The following MPP7 variants were observed in gnomAD, a reference collection of about 807,000 sequenced individuals.
MPP7 encodes the protein MAGUK p55 subfamily member 7.
MPP7 carries 60 observed loss-of-function variants against 76.5 expected under a neutral mutation model. The ratio of observed to expected loss-of-function variants is 0.78; its 90% CI spans 0.64 to 0.97. The LOEUF is 0.97. Among genes scored for constraint, MPP7 ranks in the 50% least tolerant of loss-of-function variants. The pLI is 0.00. For missense variants in MPP7, 641 were observed against 694.0 expected (o/e 0.92, Z 0.86); for synonymous variants, 237 against 244.5 (o/e 0.97, Z 0.29).
upstream of MPP7, chr10:28,303,617 A>T (rs1353168269): frequency 6.6e-6 from 1 of 152,206 alleles, no homozygotes; most frequent in African/African-American, 2.4e-5. Context: ...ACTTTTTCTT[A>T]TTACCTTTTT....
At chr10:28,307,682 A>T (rs1304725509), upstream of MPP7, 1 of 152,196 alleles carries the variant, frequency 6.6e-6, no homozygotes, top group East Asian at 1.9e-4. Context: ...CTTTAATTTT[A>T]ATGTAAATGC....
chr10:28,089,897 C>CAA (rs770444602), intron 11 of MPP7, 56 bp from the exon 12 acceptor site: 2,246 of 654,970 alleles, frequency 3.4e-3, no homozygotes, highest in Middle Eastern at 9.5e-3. Flanking sequence ...AAGAAACCCT[C>CAA]AAAAAAAAAA....
rs139389415 is a variant in MPP7 at position 28,127,912 on chromosome 10, C to T, written c.448-2821G>A. ...ACTGGACGGAGGTGAAGAAGTTAGCCAATGGGAAGGAACAGAAGACACAGC... is the reference window on the plus strand; with the variant it reads ...ACTGGACGGAGGTGAAGAAGTTAGCTAATGGGAAGGAACAGAAGACACAGC... On this transcript the variant is annotated intron_variant, in intron 6 of 16. Transcript: ENST00000683449. Among the ~76,000 whole-genome samples, 10 of 152,214 alleles carry T rather than the reference C, an allele frequency of 6.6e-5. No individual in the cohort carries two copies. In the East Asian group the frequency reaches 1.9e-3, roughly 29 times the overall value.
intron 3 of MPP7, among the ~76,000 whole-genome samples, chr10:28,175,812 G>C (rs1413204431): frequency 6.6e-6 from 1 of 152,108 alleles, no homozygotes; most frequent in Non-Finnish European, 1.5e-5. Context: ...CTCTCCATGG[G>C]AGAGCAACTA....
intron 3 of MPP7, among the ~76,000 whole-genome samples, chr10:28,186,759 T>C (rs1163218899): frequency 6.6e-6 from 1 of 152,182 alleles, no homozygotes; most frequent in Non-Finnish European, 1.5e-5. Flanking sequence ...ATTGTAAATA[T>C]ACATTTCACT....
rs1853141438 is a variant in MPP7 at position 28,088,745 on chromosome 10, C to G, written c.1123+926G>C. 2.0e-5 allele frequency among the ~76,000 whole-genome samples: 3 copies of G among 152,142 alleles called. No homozygotes were observed. In the South Asian group the frequency reaches 6.2e-4, roughly 32 times the overall value. ...CTCTCGCTACATTTTTAAAGAAATG[C>G]ATTGAGGATGAAGTGAAGATACATG... On this transcript the variant is annotated intron_variant, in intron 12 of 16. Transcript: ENST00000683449.
rs770307714 is a variant in MPP7, at chr10:28,125,019, C to A, written c.520G>T (p.Asp174Tyr). The A allele has an allele frequency of 2.5e-6, 4 of 1,613,918 alleles. No individual in the cohort carries two copies. The highest frequency in any genetic ancestry group is 2.7e-5 in the African/African-American group (2 of 75,044). The change falls in exon 7 of 17, where the codon GAT becomes TAT. Residue 174 changes from aspartate (D) to tyrosine (Y), a missense_variant. Coordinates refer to ENST00000683449, the MANE Select transcript of MPP7 (RefSeq NM_001318170.2). Reference sequence around the variant, plus strand: ...ACATTTAAAGTCTCACCACTTCTATCTGCAGCTCCTCCTCTCATGATTCTG... The same window carrying A: ...ACATTTAAAGTCTCACCACTTCTATATGCAGCTCCTCCTCTCATGATTCTG... ...VARIMRGGAA[D>Y]RSGLIHVGDE...
At chr10:28,308,518 T>A (rs905835668) in intron 2 of MPP7, among the ~76,000 whole-genome samples, 6 of 152,254 alleles carry the variant, frequency 3.9e-5, no homozygotes, top group Non-Finnish European at 8.8e-5. Flanking sequence ...TGCCCTTTTA[T>A]GATCCTATTT....
chr10:28,313,782 G>A (rs1214177119), intron 2 of MPP7, among the ~76,000 whole-genome samples: 1 of 151,330 alleles, frequency 6.6e-6, no homozygotes, highest in African/African-American at 2.4e-5. Context: ...AACTTCCTGG[G>A]TTCTGTTGAT....
chr10:28,197,508 T>G (rs1837627353), intron 3 of MPP7, among the ~76,000 whole-genome samples: 1 of 152,132 alleles, frequency 6.6e-6, no homozygotes, highest in African/African-American at 2.4e-5. Context: ...CTATACCGAA[T>G]GCAGGTTCCA....
chr10:28,233,668 A>C (rs944637831), intron 2 of MPP7, among the ~76,000 whole-genome samples: 3 of 151,114 alleles, frequency 2.0e-5, no homozygotes, highest in Admixed American at 1.3e-4. Context: ...CAATGAGCCT[A>C]GACAGCGCCA....
intron 1 of MPP7, among the ~76,000 whole-genome samples, chr10:28,330,566 A>G (rs987514717): frequency 1.1e-4 from 16 of 152,148 alleles, no homozygotes; most frequent in African/African-American, 3.9e-4. Flanking sequence ...CCTATGCAAT[A>G]TGGGGTGGCT....
At chr10:28,136,376 C>T (rs1835355124) in intron 5 of MPP7, among the ~76,000 whole-genome samples, 1 of 151,754 alleles carries the variant, frequency 6.6e-6, no homozygotes. Context: ...ACAAAAATAC[C>T]CAGCATCCAA....
rs558706715 is a variant in MPP7 at position 28,300,036 on chromosome 10, G to T, written c.-132+2825C>A. ...CCCGCCTCGGCCTCCCAAAGTGCTG[G>T]GATTACAGGCGTGAGCCACCATGCC... On this transcript the variant is annotated intron_variant, in intron 1 of 16. Transcript: ENST00000683449. Among the ~76,000 whole-genome samples, 129 of 152,240 alleles carry T rather than the reference G, an allele frequency of 8.5e-4. 1 individual carries two copies. The highest frequency in any genetic ancestry group is 3.0e-3 in the African/African-American group (125 of 41,544).
At chr10:28,069,915 T>C (rs913796047) in intron 12 of MPP7, 63 bp from the exon 13 acceptor site, 1 of 1,222,830 alleles carries the variant, frequency 8.2e-7, no homozygotes, top group Admixed American at 1.8e-5. Flanking sequence ...TTTCTGTAAC[T>C]GACATGAGTC....
chr10:28,212,193 C>G (rs570865806), intron 2 of MPP7, among the ~76,000 whole-genome samples: 1 of 152,108 alleles, frequency 6.6e-6, no homozygotes, highest in East Asian at 1.9e-4. Flanking sequence ...AAGCCGAGGG[C>G]CGAGGCAGAC....
chr10:28,211,799 A>C (rs1838146384), intron 2 of MPP7, among the ~76,000 whole-genome samples: 1 of 152,086 alleles, frequency 6.6e-6, no homozygotes, highest in African/African-American at 2.4e-5. Context: ...GAGCAGAGGG[A>C]GCAAGAAGAA....
intron 6 of MPP7, among the ~76,000 whole-genome samples, chr10:28,130,211 T>C (rs1360511324): frequency 6.6e-6 from 1 of 152,214 alleles, no homozygotes; most frequent in Non-Finnish European, 1.5e-5. Flanking sequence ...GTTTGCATAA[T>C]GCTTCAGAAC....
At chr10:28,213,464 TGA>T (rs760493207) in intron 2 of MPP7, among the ~76,000 whole-genome samples, 2 of 152,078 alleles carry the variant, frequency 1.3e-5, no homozygotes, top group Non-Finnish European at 1.5e-5. Flanking sequence ...GGTTTCATGC[TGA>T]GAGTGAGGAC....
Sources: allele counts gnomAD v4.1 joint callset (sites outside exome capture counted in the v4.1 genomes callset), GRCh38; gene constraint gnomAD v4.1.1; transcripts MANE v1.5; gene names NCBI Gene and HGNC (gene_info 2026-07-23, HGNC 2026-07-21).